PCNX1: variants seen among roughly 807,000 people sequenced by gnomAD.
The protein encoded by PCNX1 is pecanex 1.
A neutral mutation model predicts 242.2 loss-of-function variants in PCNX1; 78 were observed. The observed-to-expected ratio is 0.32, with a 90% CI of 0.27 to 0.39. The LOEUF (loss-of-function observed/expected upper bound fraction) is 0.39. PCNX1 is among the 10% of genes least tolerant of loss of function. The pLI is 1.00. For synonymous variants in PCNX1, 1,024 were observed against 1,032.9 expected (o/e 0.99, Z 0.17); for missense variants, 2,581 against 2,856.5 (o/e 0.90, Z 2.20).
chr14:70,916,337 T>C (rs1039831310), intron 1 of PCNX1, among the ~76,000 whole-genome samples: 4 of 152,064 alleles, frequency 2.6e-5, no homozygotes, highest in African/African-American at 9.7e-5. Context: ...AAAAAGAAAA[T>C]GGCCTTGGAC....
chr14:71,009,901 A>G, intron 9 of PCNX1, 177 bp downstream of exon 9: 1 of 435,074 alleles, frequency 2.3e-6, no homozygotes, highest in South Asian at 5.5e-5. Flanking sequence ...GAAATATCAT[A>G]TACATTGGCT....
intron 30 of PCNX1, among the ~76,000 whole-genome samples, chr14:71,098,137 T>G (rs564694426): frequency 1.3e-5 from 2 of 152,316 alleles, no homozygotes; most frequent in East Asian, 3.9e-4. Flanking sequence ...TCTGTTCCAT[T>G]GGTCTGTATG....
At chr14:71,068,438 A>C (rs958230882) in intron 26 of PCNX1, among the ~76,000 whole-genome samples, 2 of 149,142 alleles carry the variant, frequency 1.3e-5, no homozygotes, top group Admixed American at 1.3e-4. Flanking sequence ...GTATATATGT[A>C]TGTATATGTA....
At chr14:71,055,584 AAGG>A in intron 25 of PCNX1, 22 bp downstream of exon 25, 1 of 1,493,752 alleles carries the variant, frequency 6.7e-7, no homozygotes, top group Non-Finnish European at 9.3e-7. Context: ...ATTTGTGACT[AAGG>A]AGGCAAGACT....
chr14:70,947,059 G>T lies in PCNX1; in HGVS notation c.298G>T (p.Asp100Tyr). 6.2e-7 allele frequency: 1 copy of T among 1,613,754 alleles called. No homozygotes were observed. The highest frequency in any genetic ancestry group is 8.5e-7 in the Non-Finnish European group (1 of 1,179,886). ...VVDRTANEFT[D>Y]QRTKAEQGNC... The stretch of plus-strand genomic sequence containing the variant: ...AGATAGGACTGCAAATGAGTTCACG[G>T]ATCAGCGAACCAAAGCTGAACAAGG... The change falls in exon 2 of 36, where the codon GAT becomes TAT. Residue 100 changes from aspartate to tyrosine, a missense_variant. Coordinates refer to ENST00000304743, the MANE Select transcript of PCNX1 (RefSeq NM_014982.3).
chr14:71,067,206 C>T (rs763519059), intron 26 of PCNX1, among the ~76,000 whole-genome samples: 1 of 152,036 alleles, frequency 6.6e-6, no homozygotes, highest in Admixed American at 6.6e-5. Context: ...CTTCTTTATA[C>T]CTCTGGTAGA....
At chr14:71,084,736 G>T (rs1230336908) in intron 28 of PCNX1, among the ~76,000 whole-genome samples, 3 of 152,218 alleles carry the variant, frequency 2.0e-5, no homozygotes, top group Non-Finnish European at 4.4e-5. Context: ...TCAGACTGCT[G>T]TGCTGGCAGC....
intron 28 of PCNX1, 31 bp from the exon 29 acceptor site, chr14:71,088,299 C>T (rs768642148): frequency 3.1e-6 from 4 of 1,279,028 alleles, no homozygotes; most frequent in Non-Finnish European, 4.6e-6. Flanking sequence ...ACATACCTTT[C>T]TGATAACTAA....
chr14:70,958,318 A>AGTGTGTTT (rs2058068814), intron 2 of PCNX1, among the ~76,000 whole-genome samples: 1 of 152,268 alleles, frequency 6.6e-6, no homozygotes, highest in Non-Finnish European at 1.5e-5. Context: ...CAGGGACATT[A>AGTGTGTTT]TAATTATGAG....
intron 28 of PCNX1, among the ~76,000 whole-genome samples, chr14:71,080,030 T>G (rs1327730063): frequency 1.3e-5 from 2 of 152,192 alleles, no homozygotes. Context: ...CTTTAATCCG[T>G]CTTGAGTTAA....
chr14:71,055,574 A>G lies in PCNX1; in HGVS notation c.4636+12A>G, dbSNP rs376114664. ...TGATAGAAATCCAGGTAATAGCTCT[A>G]TTTGTGACTAAGGAGGCAAGACTAA... is the stretch of plus-strand genomic sequence containing the variant. On this transcript the variant is annotated intron_variant, in intron 25 of 35. Coordinates refer to ENST00000304743, the MANE Select transcript of PCNX1 (RefSeq NM_014982.3). 6.7e-4 allele frequency: 1,041 copies of G among 1,550,518 alleles called. 5 individuals carry two copies. In the African/African-American group the frequency reaches 0.013, roughly 19 times the overall value.
At chr14:70,934,485 T>C (rs2056923650) in intron 1 of PCNX1, among the ~76,000 whole-genome samples, 2 of 152,246 alleles carry the variant, frequency 1.3e-5, no homozygotes, top group Admixed American at 6.5e-5. Flanking sequence ...TCTCACTATG[T>C]TGCCTAGGCT....
intron 8 of PCNX1, among the ~76,000 whole-genome samples, chr14:71,007,372 T>C (rs1478615902): frequency 1.3e-5 from 2 of 152,134 alleles, no homozygotes; most frequent in Non-Finnish European, 2.9e-5. Context: ...CAGATACATA[T>C]TATTTTTAAT....
At chr14:71,069,895 T>G (rs76436931) in intron 26 of PCNX1, among the ~76,000 whole-genome samples, 2 of 152,318 alleles carry the variant, frequency 1.3e-5, no homozygotes, top group East Asian at 3.9e-4. Flanking sequence ...ATTGACTCTT[T>G]GTTTGATGAA....
At chr14:70,920,660 A>G (rs549759889) in intron 1 of PCNX1, among the ~76,000 whole-genome samples, 167 of 152,350 alleles carry the variant, frequency 1.1e-3, no homozygotes, top group African/African-American at 4.0e-3. Flanking sequence ...CTCATTTATG[A>G]CAGTATGGAC....
chr14:71,019,789 TG>T (rs1247607162), intron 12 of PCNX1, among the ~76,000 whole-genome samples: 1 of 152,154 alleles, frequency 6.6e-6, no homozygotes, highest in East Asian at 1.9e-4. Flanking sequence ...CTTTAAGTTC[TG>T]GGATACATGT....
At chr14:71,057,412 A>G (rs1373444287) in intron 25 of PCNX1, 97 bp from the exon 26 acceptor site, 3 of 730,924 alleles carry the variant, frequency 4.1e-6, no homozygotes, top group Non-Finnish European at 7.0e-6. Flanking sequence ...TCAAATAAAT[A>G]TAACCCCATA....
chr14:70,996,566 C>T (rs1294249326), intron 8 of PCNX1, among the ~76,000 whole-genome samples: 1 of 152,088 alleles, frequency 6.6e-6, no homozygotes, highest in African/African-American at 2.4e-5. Context: ...TACATACCTA[C>T]TCAGATATCT....
In PCNX1 at chr14:70,985,624, A is replaced by C. The variant is rs567373454; in HGVS notation, c.2312-2943A>C. On this transcript the variant is annotated intron_variant, in intron 6 of 35. Transcript: ENST00000304743. ...AGAAAAAATACATTTCAAAATATACAACTCTCTGGATATATACCCTTGGAA... is the reference window on the plus strand; with the variant it reads ...AGAAAAAATACATTTCAAAATATACCACTCTCTGGATATATACCCTTGGAA... Among the ~76,000 whole-genome samples the C allele has an allele frequency of 2.6e-5, 4 of 152,298 alleles. 1 individual carries two copies. In the South Asian group the frequency reaches 8.3e-4, roughly 32 times the overall value.
Sources: allele counts gnomAD v4.1 joint callset (sites outside exome capture counted in the v4.1 genomes callset), GRCh38; gene constraint gnomAD v4.1.1; transcripts MANE v1.5; gene names NCBI Gene and HGNC (gene_info 2026-07-23, HGNC 2026-07-21).